The following DLG1 variants were observed in gnomAD, a reference collection of about 807,000 sequenced individuals.
DLG1 encodes discs large MAGUK scaffold protein 1.
In DLG1, 42 loss-of-function variants were observed where a neutral mutation model predicts 123.4. The ratio of observed to expected loss-of-function variants is 0.34; its 90% CI spans 0.27 to 0.44. The LOEUF is 0.44. DLG1 is among the 20% of genes least tolerant of loss of function. DLG1 has a pLI of 1.00. For missense variants in DLG1, 942 were observed against 1,082.6 expected (o/e 0.87, Z 1.82); for synonymous variants, 317 against 356.2 (o/e 0.89, Z 1.24).
At chr3:197,205,597 C>G (rs1054168368) in intron 4 of DLG1, among the ~76,000 whole-genome samples, 4 of 152,162 alleles carry the variant, frequency 2.6e-5, no homozygotes, top group African/African-American at 9.7e-5. Flanking sequence ...CCACTATCAC[C>G]TCTTGGAGTA....
At chr3:197,080,498 G>C (rs1578721521) in intron 17 of DLG1, 1 of 111,278 alleles carries the variant, frequency 9.0e-6, no homozygotes. Context: ...GTCTCGCTCT[G>C]TTGCCCAGTC....
intron 6 of DLG1, among the ~76,000 whole-genome samples, chr3:197,144,607 G>A (rs1285238324): frequency 6.6e-6 from 1 of 152,154 alleles, no homozygotes; most frequent in African/African-American, 2.4e-5. Context: ...AAGCTACTTT[G>A]CTTTCTTAAC....
intron 5 of DLG1, among the ~76,000 whole-genome samples, chr3:197,167,374 A>G (rs1801974755): frequency 6.6e-6 from 1 of 152,240 alleles, no homozygotes; most frequent in Non-Finnish European, 1.5e-5. Flanking sequence ...GGATATACTC[A>G]TACAAAAGTG....
intron 17 of DLG1, among the ~76,000 whole-genome samples, chr3:197,079,946 C>G (rs1578701262): frequency 6.6e-6 from 1 of 152,038 alleles, no homozygotes; most frequent in East Asian, 1.9e-4. Context: ...GCTGAGTTAA[C>G]ATTCCACATT....
intron 13 of DLG1, among the ~76,000 whole-genome samples, chr3:197,113,741 T>C (rs958277364): frequency 1.3e-5 from 2 of 152,156 alleles, no homozygotes; most frequent in Non-Finnish European, 2.9e-5. Context: ...ATAAAGAAAA[T>C]TTAAGCTGCT....
At position 197,191,977 on chromosome 3, in the gene DLG1, A is replaced by G. The variant is rs184003034; in HGVS notation, c.483+2448T>C. Among the ~76,000 whole-genome samples the G allele has an allele frequency of 7.2e-5, 11 of 152,202 alleles. No homozygotes were observed. In the East Asian group the frequency reaches 1.7e-3, roughly 24 times the overall value. On this transcript the variant is annotated intron_variant, in intron 5 of 24. Transcript: ENST00000667157. ...GATTACTTGAGGCCAGGAGTTCAAAACAAGCCTGGGCAACAGAGCAAGACC... is the reference window on the plus strand; with the variant it reads ...GATTACTTGAGGCCAGGAGTTCAAAGCAAGCCTGGGCAACAGAGCAAGACC...
At chr3:197,225,383 T>A (rs73210550) in intron 4 of DLG1, among the ~76,000 whole-genome samples, 19,092 of 152,224 alleles carry the variant, frequency 0.13, 1,259 homozygotes, top group Middle Eastern at 0.15. Context: ...AGTAAAGTCA[T>A]GGTTCTTTTG....
chr3:197,178,225 C>T (rs769158635), intron 5 of DLG1, among the ~76,000 whole-genome samples: 3 of 152,084 alleles, frequency 2.0e-5, no homozygotes, highest in African/African-American at 4.8e-5. Context: ...TGCTGTAGTT[C>T]AGGCAACATA....
chr3:197,182,426 T>G (rs555781440), intron 5 of DLG1, among the ~76,000 whole-genome samples: 182 of 152,264 alleles, frequency 1.2e-3, no homozygotes, highest in African/African-American at 4.2e-3. Context: ...GAAAAGTAAG[T>G]AGAATTTCTT....
intron 4 of DLG1, among the ~76,000 whole-genome samples, chr3:197,218,174 G>A (rs1050728137): frequency 2.6e-5 from 4 of 152,296 alleles, no homozygotes; most frequent in Admixed American, 1.3e-4. Flanking sequence ...AGAAGTGTTC[G>A]AGGCAGTCTG....
At chr3:197,224,387 A>T (rs1738709473) in intron 4 of DLG1, among the ~76,000 whole-genome samples, 1 of 152,180 alleles carries the variant, frequency 6.6e-6, no homozygotes, top group Non-Finnish European at 1.5e-5. Flanking sequence ...ATAAGGAGGA[A>T]CATTTTTTAC....
chr3:197,247,565 A>C (rs1026593787), intron 4 of DLG1, among the ~76,000 whole-genome samples: 1 of 152,126 alleles, frequency 6.6e-6, no homozygotes, highest in African/African-American at 2.4e-5. Flanking sequence ...GACATACTTT[A>C]TTAAAAGTTG....
At chr3:197,152,762 C>CAAAA (rs63446260) in intron 5 of DLG1, among the ~76,000 whole-genome samples, 17 of 52,500 alleles carry the variant, frequency 3.2e-4, no homozygotes, top group South Asian at 7.6e-4. Flanking sequence ...GACTCTGTCT[C>CAAAA]AAAAAAAAAA....
At position 197,210,504 on chromosome 3, in the gene DLG1, C is replaced by G. The variant is rs1214329395; in HGVS notation, c.319-15915G>C. On this transcript the variant is annotated intron_variant, in intron 4 of 24. Coordinates refer to ENST00000667157, the MANE Select transcript of DLG1 (RefSeq NM_001366207.1). ...GATAATAAAAGATAATTATAAAAAA[C>G]TTTAGGCAAACTAATCCAATAGGTT... 6.9e-5 allele frequency among the ~76,000 whole-genome samples: 10 copies of G among 143,904 alleles called. 1 individual carries two copies. Among genetic ancestry groups the G allele is most frequent in the African/African-American group, 2.4e-4 (10 of 40,858 alleles). 94.4% of individuals were successfully genotyped at this position (143,904 alleles called of 152,430 possible). A position where few individuals can be genotyped will look rare whatever the true frequency, so the allele number is the denominator to read the frequency against.
At chr3:197,196,359 A>C (rs541235757) in intron 4 of DLG1, among the ~76,000 whole-genome samples, 8 of 152,300 alleles carry the variant, frequency 5.3e-5, no homozygotes, top group African/African-American at 1.7e-4. Flanking sequence ...ATGTTTTCAC[A>C]GATGACTGCA....
chr3:197,188,124 C>T (rs578002844), intron 5 of DLG1, among the ~76,000 whole-genome samples: 1 of 152,282 alleles, frequency 6.6e-6, no homozygotes, highest in Admixed American at 6.5e-5. Flanking sequence ...ATTCATCATA[C>T]AGGTCTTTTA....
intron 11 of DLG1, among the ~76,000 whole-genome samples, chr3:197,121,755 G>A (rs150879894): frequency 1.5e-5 from 2 of 135,934 alleles, no homozygotes; most frequent in African/African-American, 5.5e-5. Flanking sequence ...TTCCAATTTT[G>A]ACATCTGCTC....
intron 4 of DLG1, among the ~76,000 whole-genome samples, chr3:197,240,335 TTTAC>T (rs1286681977): frequency 6.6e-6 from 1 of 152,204 alleles, no homozygotes; most frequent in Non-Finnish European, 1.5e-5. Context: ...GCTCTGGTTC[TTTAC>T]TAGAACCTAG....
At chr3:197,131,280 T>C (rs571213465) in intron 10 of DLG1, among the ~76,000 whole-genome samples, 1 of 152,312 alleles carries the variant, frequency 6.6e-6, no homozygotes, top group East Asian at 1.9e-4. Context: ...AGAGTGCCCA[T>C]CTACTTAGAC....
Sources: gnomAD v4.1 joint callset for allele counts (sites outside exome capture counted in the v4.1 genomes callset) on GRCh38, gnomAD v4.1.1 for gene constraint, MANE v1.5 for transcripts, NCBI Gene and HGNC (gene_info 2026-07-23, HGNC 2026-07-21) for gene names.